RALGAPA2: variants seen among roughly 807,000 people sequenced by gnomAD.
The protein encoded by RALGAPA2 is ral GTPase-activating protein subunit alpha-2.
Under a neutral mutation model 230.4 loss-of-function variants are expected in RALGAPA2, and 139 were observed. The observed-to-expected ratio is 0.60, with a 90% CI of 0.53 to 0.69. The LOEUF is 0.69. Ranked by LOEUF, RALGAPA2 falls within the 30% of genes least tolerant of loss-of-function variation. The probability of loss-of-function intolerance (pLI) is 0.00; values close to 1 mark genes in which losing one functional copy is unlikely to be tolerated. For missense variants in RALGAPA2, 2,163 were observed against 2,276.0 expected (o/e 0.95, Z 1.01); for synonymous variants, 847 against 837.8 (o/e 1.01, Z -0.19).
At chr20:20,414,925 G>C (rs979225908) in intron 37 of RALGAPA2, among the ~76,000 whole-genome samples, 1 of 152,256 alleles carries the variant, frequency 6.6e-6, no homozygotes, top group African/African-American at 2.4e-5. Context: ...GGTGAGACCA[G>C]GAGATCATCA....
intron 1 of RALGAPA2, among the ~76,000 whole-genome samples, chr20:20,710,013 TAAAAAGCAAAC>T (rs1031123032): frequency 3.9e-5 from 6 of 152,144 alleles, no homozygotes; most frequent in African/African-American, 1.4e-4. Flanking sequence ...AATAATCCTT[TAAAAAGCAAAC>T]ATTACCATAC....
chr20:20,392,975 G>A lies in RALGAPA2; in HGVS notation c.*314C>T. 1 of 1,000,052 alleles carries A rather than the reference G, an allele frequency of 1.0e-6. No homozygotes were observed. The highest frequency in any genetic ancestry group is 1.3e-6 in the Non-Finnish European group (1 of 744,912). The allele number at this position is 1,000,052 out of a possible 1,614,324, so 61.9% of individuals were successfully genotyped here. A position where few individuals can be genotyped will look rare whatever the true frequency, so the allele number is the denominator to read the frequency against. ...TCAGTGGGTTCATCTCTGGTTTTTG[G>A]TGACTTTTTCTTTTCTTCTTTGGAA... is the stretch of plus-strand genomic sequence containing the variant. On this transcript the variant is annotated 3_prime_UTR_variant, in exon 40 of 40. Transcript: ENST00000202677.
At position 20,529,283 on chromosome 20, in the gene RALGAPA2, G is replaced by T. The variant is rs550225647; in HGVS notation, c.3582+2404C>A. 3.3e-5 allele frequency among the ~76,000 whole-genome samples: 5 copies of T among 152,270 alleles called. No individual in the cohort carries two copies. The South Asian group carries it at 1.0e-3, about 32-fold the overall frequency. On this transcript the variant is annotated intron_variant, in intron 27 of 39. Transcript: ENST00000202677. ...CTCTTCTCTTTTGCTGCTATCCAGA[G>T]GGGGGAGGATTCAACAGGACAATCT...
chr20:20,433,203 T>C (rs1251469000), intron 37 of RALGAPA2, among the ~76,000 whole-genome samples: 1 of 152,214 alleles, frequency 6.6e-6, no homozygotes, highest in African/African-American at 2.4e-5. Context: ...CAAAATCCTA[T>C]GAAGAAAGTA....
At chr20:20,401,695 T>C (rs191601951) in intron 38 of RALGAPA2, among the ~76,000 whole-genome samples, 144 of 152,314 alleles carry the variant, frequency 9.5e-4, no homozygotes, top group African/African-American at 3.4e-3. Context: ...CAGTGAGTTC[T>C]AGGTATTTGT....
chr20:20,458,573 T>C (rs2061194254), intron 37 of RALGAPA2, among the ~76,000 whole-genome samples: 1 of 134,514 alleles, frequency 7.4e-6, no homozygotes, highest in Non-Finnish European at 1.5e-5. Context: ...ATATATATAA[T>C]ATATATACCA....
chr20:20,535,572 C>T (rs2063475422), intron 26 of RALGAPA2, among the ~76,000 whole-genome samples, 173 bp downstream of exon 26: 1 of 152,168 alleles, frequency 6.6e-6, no homozygotes, highest in African/African-American at 2.4e-5. Context: ...TTAATAATGA[C>T]ATCTTTTTAA....
chr20:20,613,972 G>A (rs184108658), intron 13 of RALGAPA2, among the ~76,000 whole-genome samples: 30 of 152,304 alleles, frequency 2.0e-4, no homozygotes, highest in South Asian at 8.3e-4. Context: ...TCAGTCCTAT[G>A]AGGATGTAAC....
Position 20,393,125 on chromosome 20 carries a change from T to G in RALGAPA2, c.*164A>C, listed in dbSNP as rs1199027598. 7.4e-7 allele frequency: 1 copy of G among 1,360,504 alleles called. No individual in the cohort carries two copies. Among genetic ancestry groups the G allele is most frequent in the Non-Finnish European group, 9.8e-7 (1 of 1,019,258 alleles). 84.3% of individuals were successfully genotyped at this position (1,360,504 alleles called of 1,614,324 possible). A position where few individuals can be genotyped will look rare whatever the true frequency, so the allele number is the denominator to read the frequency against. On this transcript the variant is annotated 3_prime_UTR_variant, in exon 40 of 40. Coordinates refer to ENST00000202677, the MANE Select transcript of RALGAPA2 (RefSeq NM_020343.4). The stretch of plus-strand genomic sequence containing the variant: ...TAATGGGAAGACCTGCTGAGGGCAC[T>G]AGTACAGCAACGAAATTTCCTGGAG...
At chr20:20,615,921 C>T (rs1782836800) in intron 13 of RALGAPA2, 122 bp downstream of exon 13, 1 of 756,390 alleles carries the variant, frequency 1.3e-6, no homozygotes, top group Non-Finnish European at 1.9e-6. Context: ...GAAACTGTTA[C>T]AAAAGACATT....
chr20:20,589,747 T>C (rs1568617486), intron 17 of RALGAPA2, among the ~76,000 whole-genome samples: 1 of 152,100 alleles, frequency 6.6e-6, no homozygotes, highest in Non-Finnish European at 1.5e-5. Context: ...TGCCTCAGTA[T>C]TGCTTGAGAA....
intron 1 of RALGAPA2, among the ~76,000 whole-genome samples, chr20:20,702,187 T>C (rs141902199): frequency 2.0e-5 from 3 of 152,090 alleles, no homozygotes; most frequent in Non-Finnish European, 4.4e-5. Context: ...AAAGCCCACA[T>C]GGAAGATAAA....
intron 26 of RALGAPA2, among the ~76,000 whole-genome samples, chr20:20,532,888 T>C (rs912825578): frequency 6.6e-6 from 1 of 152,134 alleles, no homozygotes; most frequent in Non-Finnish European, 1.5e-5. Flanking sequence ...CTGAGGAACA[T>C]GCACTATTCA....
At chr20:20,636,490 T>C (rs914209220) in intron 8 of RALGAPA2, among the ~76,000 whole-genome samples, 3 of 151,976 alleles carry the variant, frequency 2.0e-5, no homozygotes, top group East Asian at 1.9e-4. Context: ...CACCTAAAAG[T>C]CAGTAATTCT....
chr20:20,429,570 G>C (rs1395583336), intron 37 of RALGAPA2, among the ~76,000 whole-genome samples: 1 of 152,158 alleles, frequency 6.6e-6, no homozygotes, highest in Non-Finnish European at 1.5e-5. Context: ...AAATTTACAT[G>C]ACCTCATTTA....
intron 37 of RALGAPA2, among the ~76,000 whole-genome samples, chr20:20,460,470 T>C (rs1190432364): frequency 1.3e-5 from 2 of 152,178 alleles, no homozygotes; most frequent in Non-Finnish European, 2.9e-5. Flanking sequence ...TATCTGGCAC[T>C]TGTAGTAAAA....
chr20:20,706,678 T>C (rs2069621010), intron 1 of RALGAPA2, among the ~76,000 whole-genome samples: 1 of 152,200 alleles, frequency 6.6e-6, no homozygotes, highest in South Asian at 2.1e-4. Flanking sequence ...GCAACATTTC[T>C]GGGAGGCATG....
intron 27 of RALGAPA2, 23 bp downstream of exon 27, chr20:20,531,664 T>G: frequency 6.5e-7 from 1 of 1,538,800 alleles, no homozygotes; most frequent in Non-Finnish European, 8.9e-7. Context: ...TAATATCCAA[T>G]CAGCACCACA....
In RALGAPA2 at chr20:20,526,233, T is replaced by C; in HGVS notation, c.3693+19A>G. 6.7e-7 allele frequency: 1 copy of C among 1,488,898 alleles called. No homozygotes were observed. Among genetic ancestry groups the C allele is most frequent in the Non-Finnish European group, 9.3e-7 (1 of 1,080,336 alleles). The allele number at this position is 1,488,898 out of a possible 1,614,324, so 92.2% of individuals were successfully genotyped here. ...AAAGGAAATGCTTATGTTTTAGTAT[T>C]ACAGAAAAAAAGACTTACTTCTGCC... is the stretch of plus-strand genomic sequence containing the variant. On this transcript the variant is annotated intron_variant, in intron 28 of 39. Coordinates refer to ENST00000202677, the MANE Select transcript of RALGAPA2 (RefSeq NM_020343.4).
Sources: allele counts gnomAD v4.1 joint callset (sites outside exome capture counted in the v4.1 genomes callset), GRCh38; gene constraint gnomAD v4.1.1; transcripts MANE v1.5; gene names NCBI Gene and HGNC (gene_info 2026-07-23, HGNC 2026-07-21).